PTPRT: variants seen among roughly 807,000 people sequenced by gnomAD.
PTPRT encodes the protein receptor-type tyrosine-protein phosphatase T.
Under a neutral mutation model 176.8 loss-of-function variants are expected in PTPRT, and 56 were observed. The observed-to-expected ratio is 0.32, with a 90% confidence interval of 0.26 to 0.40. The LOEUF is 0.40. Ranked by LOEUF, PTPRT falls within the 10% of genes least tolerant of loss-of-function variation. The probability of loss-of-function intolerance (pLI) is 1.00; values close to 1 mark genes in which losing one functional copy is unlikely to be tolerated. For missense variants in PTPRT, 1,540 were observed against 1,908.2 expected, an observed-to-expected ratio of 0.81 and a Z score of 3.60; for synonymous variants, 783 against 739.0, an observed-to-expected ratio of 1.06 and a Z score of -0.96.
At chr20:42,056,189 G>C in the PTPRT span, among the ~76,000 whole-genome samples, 1 of 152,110 alleles carries the variant, frequency 6.6e-6, no homozygotes, top group Non-Finnish European at 1.5e-5. Flanking sequence ...TTTCTTTTCA[G>C]ATATTTAGCA....
At chr20:42,953,942 A>T (rs1431959657) in intron 1 of PTPRT, among the ~76,000 whole-genome samples, 1 of 152,136 alleles carries the variant, frequency 6.6e-6, no homozygotes, top group Non-Finnish European at 1.5e-5. Context: ...CATATATCCC[A>T]TGAAGGGAAA....
downstream of PTPRT, among the ~76,000 whole-genome samples, chr20:42,068,971 T>C (rs1209608467): frequency 6.6e-6 from 1 of 152,216 alleles, no homozygotes; most frequent in East Asian, 1.9e-4. Flanking sequence ...CAAAAGGAGA[T>C]ACTAATTCTC....
intron 11 of PTPRT, among the ~76,000 whole-genome samples, chr20:42,331,302 C>G (rs2057960685): frequency 6.6e-6 from 1 of 152,114 alleles, no homozygotes; most frequent in Non-Finnish European, 1.5e-5. Flanking sequence ...AATGCTTTTA[C>G]AGAGGAAGAT....
intron 9 of PTPRT, among the ~76,000 whole-genome samples, chr20:42,447,139 T>C (rs1473436322): frequency 2.6e-5 from 4 of 152,084 alleles, no homozygotes; most frequent in Non-Finnish European, 5.9e-5. Context: ...ATGGCAGCAA[T>C]ATTCTTCCCC....
chr20:43,129,803 A>G (rs1671823064), intron 1 of PTPRT, among the ~76,000 whole-genome samples: 4 of 150,948 alleles, frequency 2.6e-5, no homozygotes, highest in Admixed American at 1.3e-4. Context: ...TATTTTTAGT[A>G]GAGACGGGGT....
chr20:42,923,199 T>C (rs77587410), intron 1 of PTPRT, among the ~76,000 whole-genome samples: 3,232 of 152,186 alleles, frequency 0.021, 128 homozygotes, highest in African/African-American at 0.074. Flanking sequence ...ACTTTAAAGG[T>C]CACTTCCAAG....
At chr20:42,322,838 G>C (rs2057820811) in intron 11 of PTPRT, among the ~76,000 whole-genome samples, 1 of 151,978 alleles carries the variant, frequency 6.6e-6, no homozygotes, top group South Asian at 2.1e-4. Flanking sequence ...CAAAATGGGA[G>C]AAAATTTTTG....
intron 16 of PTPRT, among the ~76,000 whole-genome samples, chr20:42,164,350 G>C (rs1600616836): frequency 6.6e-6 from 1 of 152,324 alleles, no homozygotes; most frequent in East Asian, 1.9e-4. Flanking sequence ...TAAACACATT[G>C]CTAGACAGAC....
chr20:42,942,343 T>C (rs1980607044), intron 1 of PTPRT, among the ~76,000 whole-genome samples: 1 of 152,182 alleles, frequency 6.6e-6, no homozygotes, highest in African/African-American at 2.4e-5. Context: ...GAGAAGAACA[T>C]ATACAAACAA....
the PTPRT span, among the ~76,000 whole-genome samples, chr20:42,059,278 A>G: frequency 6.6e-6 from 1 of 152,134 alleles, no homozygotes; most frequent in Non-Finnish European, 1.5e-5. Context: ...ATGAAATAAC[A>G]TAAAGGGAAG....
chr20:43,026,815 G>A (rs1297583602), intron 1 of PTPRT, among the ~76,000 whole-genome samples: 2 of 152,112 alleles, frequency 1.3e-5, no homozygotes, highest in Non-Finnish European at 2.9e-5. Flanking sequence ...ATAAGTGAGA[G>A]CATGTGAAGT....
intron 1 of PTPRT, among the ~76,000 whole-genome samples, chr20:42,888,649 G>A (rs182696341): frequency 1.3e-5 from 2 of 152,172 alleles, no homozygotes; most frequent in African/African-American, 2.4e-5. Flanking sequence ...CCAAGGATAA[G>A]GTCTTTCACT....
chr20:42,851,967 T>G (rs138280317), intron 2 of PTPRT, among the ~76,000 whole-genome samples: 1 of 152,254 alleles, frequency 6.6e-6, no homozygotes, highest in East Asian at 1.9e-4. Context: ...CATTATCACA[T>G]AGTAAGTATT....
At chr20:42,313,054 CA>C (rs1327877397) in intron 12 of PTPRT, among the ~76,000 whole-genome samples, 1 of 152,190 alleles carries the variant, frequency 6.6e-6, no homozygotes, top group African/African-American at 2.4e-5. Flanking sequence ...GCTATAAAAA[CA>C]GCTTACAGTA....
At chr20:42,656,031 C>T (rs1600558143) in intron 7 of PTPRT, among the ~76,000 whole-genome samples, 1 of 152,202 alleles carries the variant, frequency 6.6e-6, no homozygotes, top group Non-Finnish European at 1.5e-5. Flanking sequence ...AAACAGTGGA[C>T]ATATGATCCT....
At chr20:42,411,390 G>A (rs1330342539) in intron 9 of PTPRT, among the ~76,000 whole-genome samples, 8 of 151,662 alleles carry the variant, frequency 5.3e-5, no homozygotes, top group Non-Finnish European at 1.5e-5. Context: ...GGTGGTGTGC[G>A]CCTGTAATCC....
At chr20:43,151,260 C>G (rs562589741) in intron 1 of PTPRT, among the ~76,000 whole-genome samples, 1 of 146,904 alleles carries the variant, frequency 6.8e-6, no homozygotes, top group African/African-American at 2.5e-5. Context: ...GAGCTGAGAT[C>G]GTGCCATTGC....
intron 16 of PTPRT, among the ~76,000 whole-genome samples, chr20:42,182,847 T>C (rs1294881675): frequency 6.6e-6 from 1 of 151,952 alleles, no homozygotes; most frequent in Non-Finnish European, 1.5e-5. Flanking sequence ...TACCATTGCT[T>C]CATTACAGAG....
At chr20:42,083,829 A>G (rs745700802) in intron 29 of PTPRT, among the ~76,000 whole-genome samples, 1 of 152,230 alleles carries the variant, frequency 6.6e-6, no homozygotes, top group Non-Finnish European at 1.5e-5. Flanking sequence ...AGTGAGTGTG[A>G]ATCAAATATT....
Sources: allele counts gnomAD v4.1 joint callset (sites outside exome capture counted in the v4.1 genomes callset), GRCh38; gene constraint gnomAD v4.1.1; transcripts MANE v1.5; gene names NCBI Gene and HGNC (gene_info 2026-07-23, HGNC 2026-07-21).